Variants in MEI4 observed in about 807,000 individuals in gnomAD.
MEI4 encodes the protein meiosis-specific protein MEI4.
A neutral mutation model predicts 31.4 loss-of-function variants in MEI4; 27 were observed. That is an observed-to-expected ratio of 0.86 (90% CI 0.63 to 1.19). The LOEUF (loss-of-function observed/expected upper bound fraction) is 1.19, where lower values mean the gene tolerates loss of function less well. MEI4 is among the 50% of genes most tolerant of loss of function. MEI4 has a pLI of 0.00. For missense variants in MEI4, 329 were observed against 398.9 expected (o/e 0.82, Z 1.49); for synonymous variants, 122 against 145.4 (o/e 0.84, Z 1.16).
intron 3 of MEI4, among the ~76,000 whole-genome samples, chr6:77,787,192 T>G (rs890885413): frequency 8.5e-5 from 13 of 152,210 alleles, no homozygotes; most frequent in African/African-American, 2.4e-4. Flanking sequence ...CTGTAAGCCA[T>G]GTTCTTTAGC....
chr6:77,892,708 C>T (rs1005512291), intron 4 of MEI4, among the ~76,000 whole-genome samples: 1 of 152,162 alleles, frequency 6.6e-6, no homozygotes, highest in Admixed American at 6.5e-5. Context: ...AGCCCCTCCA[C>T]TCAGTCCAGC....
intron 1 of MEI4, among the ~76,000 whole-genome samples, chr6:77,686,757 C>T (rs762855650): frequency 6.6e-6 from 1 of 151,786 alleles, no homozygotes; most frequent in Non-Finnish European, 1.5e-5. Flanking sequence ...ACTTGTATTG[C>T]TGGGACAAAG....
chr6:77,707,982 C>G (rs571979181), intron 2 of MEI4, among the ~76,000 whole-genome samples: 3 of 152,202 alleles, frequency 2.0e-5, no homozygotes, highest in Non-Finnish European at 2.9e-5. Flanking sequence ...GGGGTGGAAC[C>G]CTTGTAGAGA....
At chr6:77,801,231 G>C (rs1311517655) in intron 3 of MEI4, among the ~76,000 whole-genome samples, 1 of 152,196 alleles carries the variant, frequency 6.6e-6, no homozygotes, top group Non-Finnish European at 1.5e-5. Context: ...GAGGGCGTAT[G>C]TGTCAAGGAA....
chr6:77,738,935 G>T (rs931257624), intron 2 of MEI4, among the ~76,000 whole-genome samples: 3 of 152,086 alleles, frequency 2.0e-5, no homozygotes, highest in South Asian at 2.1e-4. Context: ...TTTTGATGGG[G>T]TTGTTTTTTT....
At chr6:77,727,292 T>C (rs1036714861) in intron 2 of MEI4, among the ~76,000 whole-genome samples, 1 of 152,230 alleles carries the variant, frequency 6.6e-6, no homozygotes, top group East Asian at 1.9e-4. Context: ...TTATGGCCTA[T>C]ATTATAATCT....
intron 4 of MEI4, among the ~76,000 whole-genome samples, chr6:77,880,397 A>T (rs1048865000): frequency 1.1e-4 from 16 of 151,404 alleles, no homozygotes; most frequent in African/African-American, 3.9e-4. Context: ...CGCCTGGCTA[A>T]TTTTTTTGTA....
chr6:77,732,319 G>A (rs993955395), intron 2 of MEI4, among the ~76,000 whole-genome samples: 17 of 152,006 alleles, frequency 1.1e-4, no homozygotes, highest in African/African-American at 3.4e-4. Context: ...AGTGGTTTGA[G>A]GTTCTCCTTG....
At chr6:77,870,141 T>C (rs1463559210) in intron 4 of MEI4, among the ~76,000 whole-genome samples, 1 of 152,198 alleles carries the variant, frequency 6.6e-6, no homozygotes, top group Non-Finnish European at 1.5e-5. Context: ...TTTAAGATAG[T>C]ATGAAAGTGA....
At chr6:77,846,208 G>T (rs1212865211) in intron 4 of MEI4, among the ~76,000 whole-genome samples, 1 of 151,900 alleles carries the variant, frequency 6.6e-6, no homozygotes, top group Non-Finnish European at 1.5e-5. Context: ...TACCTCCCGG[G>T]TTCACGCCAT....
chr6:77,662,049 T>C (rs140003255), intron 1 of MEI4, among the ~76,000 whole-genome samples: 10 of 152,288 alleles, frequency 6.6e-5, no homozygotes, highest in Non-Finnish European at 1.3e-4. Context: ...GACCCTTGTG[T>C]AGTGAGGAAA....
chr6:77,857,838 A>G (rs983165189), intron 4 of MEI4, among the ~76,000 whole-genome samples: 3 of 152,180 alleles, frequency 2.0e-5, no homozygotes, highest in Non-Finnish European at 2.9e-5. Flanking sequence ...AATTTCTTCT[A>G]TTGAAGCCAT....
At chr6:77,737,631 A>G (rs1404049051) in intron 2 of MEI4, among the ~76,000 whole-genome samples, 4 of 152,206 alleles carry the variant, frequency 2.6e-5, no homozygotes, top group Non-Finnish European at 5.9e-5. Flanking sequence ...AGAAGCTTGA[A>G]TGATAACATG....
At chr6:77,683,365 C>A (rs1768992467) in intron 1 of MEI4, among the ~76,000 whole-genome samples, 1 of 152,028 alleles carries the variant, frequency 6.6e-6, no homozygotes, top group African/African-American at 2.4e-5. Flanking sequence ...TTAAGTCAAG[C>A]CAGTTAACAT....
intron 1 of MEI4, among the ~76,000 whole-genome samples, chr6:77,676,478 G>A (rs1768847775): frequency 6.6e-6 from 1 of 152,004 alleles, no homozygotes; most frequent in South Asian, 2.1e-4. Context: ...AGTGAACCGT[G>A]ATCATGCCAC....
intron 3 of MEI4, among the ~76,000 whole-genome samples, chr6:77,772,697 A>G (rs1768346826): frequency 6.6e-6 from 1 of 152,020 alleles, no homozygotes; most frequent in Admixed American, 6.6e-5. Context: ...AGTATTGGAA[A>G]TTCTAGCTAG....
chr6:77,778,103 T>C (rs1489793130), intron 3 of MEI4, among the ~76,000 whole-genome samples: 2 of 126,596 alleles, frequency 1.6e-5, no homozygotes, highest in African/African-American at 6.2e-5. Context: ...AAGAAAAGTG[T>C]GTGTATATGT....
chr6:77,710,361 A>C (rs1004244558), intron 2 of MEI4, among the ~76,000 whole-genome samples: 7 of 152,046 alleles, frequency 4.6e-5, no homozygotes, highest in Admixed American at 1.3e-4. Context: ...GTCTCTACTA[A>C]GAATACAAAA....
intron 2 of MEI4, among the ~76,000 whole-genome samples, chr6:77,717,203 G>A (rs201027374): frequency 5.3e-5 from 6 of 113,232 alleles, no homozygotes; most frequent in African/African-American, 1.7e-4. Flanking sequence ...AGACAAACAC[G>A]TGAACAAAGG....
Sources: allele counts gnomAD v4.1 joint callset (sites outside exome capture counted in the v4.1 genomes callset), GRCh38; gene constraint gnomAD v4.1.1; transcripts MANE v1.5; gene names NCBI Gene and HGNC (gene_info 2026-07-23, HGNC 2026-07-21).